Variants in PRF1 observed in about 807,000 individuals in gnomAD.
PRF1 encodes the protein perforin 1.
A neutral mutation model predicts 11.7 loss-of-function variants in PRF1; 11 were observed. The ratio of observed to expected loss-of-function variants is 0.94; its 90% confidence interval spans 0.59 to 1.56. PRF1 has a LOEUF of 1.56. Among genes scored for constraint, PRF1 ranks in the 40% most tolerant of loss-of-function variants. The pLI, the probability that PRF1 is intolerant of heterozygous loss-of-function variation, is 0.00. For missense variants in PRF1, 729 were observed against 751.0 expected (o/e 0.97, Z 0.34); for synonymous variants, 314 against 327.8 (o/e 0.96, Z 0.45).
At position 70,597,664 on chromosome 10, in the gene PRF1, G is replaced by A. The variant is rs1848143310; in HGVS notation, c.*389C>T. ...GAATGGCGGAGGGCTTAGGCAGTTTGGACAGGGTGAATCGGGATTAGCGTG... is the reference window on the plus strand; with the variant it reads ...GAATGGCGGAGGGCTTAGGCAGTTTAGACAGGGTGAATCGGGATTAGCGTG... On this transcript the variant is annotated 3_prime_UTR_variant, in exon 3 of 3. Transcript: ENST00000441259. 1.7e-6 allele frequency: 1 copy of A among 584,404 alleles called. No homozygotes were observed. Among genetic ancestry groups the A allele is most frequent in the African/African-American group, 1.9e-5 (1 of 53,600 alleles). The allele number at this position is 584,404 out of a possible 1,614,324, so 36.2% of individuals were successfully genotyped here.
chr10:70,597,935 C>G lies in PRF1; in HGVS notation c.*118G>C. ...GGCCGCATTCAAAGCCATCCTGGGC[C>G]GCATGCGGGCCTCGGGTTGGACAAG... On this transcript the variant is annotated 3_prime_UTR_variant, in exon 3 of 3. Coordinates refer to ENST00000441259, the MANE Select transcript of PRF1 (RefSeq NM_001083116.3). The G allele has an allele frequency of 7.5e-7, 1 of 1,333,958 alleles. No homozygotes were observed. The highest frequency in any genetic ancestry group is 1.2e-5 in the South Asian group (1 of 81,384). 82.6% of individuals were successfully genotyped at this position (1,333,958 alleles called of 1,614,324 possible). A position where few individuals can be genotyped will look rare whatever the true frequency, so the allele number is the denominator to read the frequency against.
chr10:70,599,293 G>A (rs1459486741), intron 2 of PRF1, 112 bp from the exon 3 acceptor site: 77 of 1,365,992 alleles, frequency 5.6e-5, no homozygotes, highest in Non-Finnish European at 7.5e-5. Flanking sequence ...AACTAGGACT[G>A]GAACCCAGGG....
intron 1 of PRF1, among the ~76,000 whole-genome samples, chr10:70,601,732 G>A (rs1171448810): frequency 6.6e-6 from 1 of 150,960 alleles, no homozygotes; most frequent in African/African-American, 2.4e-5. Context: ...GGGAGGCTGA[G>A]ACAGGAGAAT....
rs755876007 is a variant in PRF1, at chr10:70,598,027, A to T, written c.*26T>A. The T allele has an allele frequency of 1.2e-6, 2 of 1,610,246 alleles. No homozygotes were observed. Among genetic ancestry groups the T allele is most frequent in the Non-Finnish European group, 8.5e-7 (1 of 1,179,900 alleles). ...GTGAGAACCCCTTCAGTCCAAGCATACTGGTCCTTTCCAAGCTCACTGTTC... is the reference window on the plus strand; with the variant it reads ...GTGAGAACCCCTTCAGTCCAAGCATTCTGGTCCTTTCCAAGCTCACTGTTC... On this transcript the variant is annotated 3_prime_UTR_variant, in exon 3 of 3. Coordinates refer to ENST00000441259, the MANE Select transcript of PRF1 (RefSeq NM_001083116.3).
rs1161980496 is a variant in PRF1, at chr10:70,600,482, T to C, written c.421A>G (p.Ser141Gly). ...VGLDVTPKPT[S>G]NVHVSVAGSH... ...CCGGCCACAGACACATGCACATTGC[T>C]GGTGGGCTTAGGAGTCACGTCCAGC... is the stretch of plus-strand genomic sequence containing the variant. Residue 141 changes from serine (S) to glycine (G), a missense_variant, in exon 2 of 3, where the codon AGC becomes GGC. Coordinates refer to ENST00000441259, the MANE Select transcript of PRF1 (RefSeq NM_001083116.3). The surrounding 1 kb of genome is among the most constrained non-coding windows in gnomAD (Gnocchi z 4.9). The C allele has an allele frequency of 1.9e-6, 3 of 1,614,080 alleles. No individual in the cohort carries two copies. The African/African-American group carries it at 4.0e-5, about 22-fold the overall frequency.
chr10:70,601,772 T>C (rs1258768284), intron 1 of PRF1, among the ~76,000 whole-genome samples: 1 of 127,964 alleles, frequency 7.8e-6, no homozygotes, highest in Non-Finnish European at 1.6e-5. Flanking sequence ...GAGGTTGCAG[T>C]GAGCCAAGAT....
chr10:70,600,417 G>A lies in PRF1; in HGVS notation c.486C>T (p.Thr162=). 2 of 1,614,180 alleles carry A rather than the reference G, an allele frequency of 1.2e-6. No homozygotes were observed. Among genetic ancestry groups the A allele is most frequent in the Non-Finnish European group, 1.7e-6 (2 of 1,180,028 alleles). ...TGCTGAAGCTGTACTGGTCCTGGTG[G>A]GTCTTCTGGGCTGCAAAGTTGGCTG... ...SQAANFAAQK[T]HQDQYSFSTD... is the part of the protein sequence containing the mutation. Residue 162 remains threonine, a synonymous_variant, in exon 2 of 3, where the codon ACC becomes ACT. Coordinates refer to ENST00000441259, the MANE Select transcript of PRF1 (RefSeq NM_001083116.3). The surrounding 1 kb of genome is among the most constrained non-coding windows in gnomAD (Gnocchi z 4.9).
intron 2 of PRF1, 34 bp from the exon 3 acceptor site, chr10:70,599,215 G>A: frequency 6.2e-7 from 1 of 1,612,458 alleles, no homozygotes; most frequent in Non-Finnish European, 8.5e-7. Flanking sequence ...CTGGGCCCAG[G>A]GGAGTATTTC....
At position 70,598,110 on chromosome 10, in the gene PRF1, A is replaced by G. The variant is rs1589231640; in HGVS notation, c.1611T>C (p.Tyr537=). 2 of 1,613,996 alleles carry G rather than the reference A, an allele frequency of 1.2e-6. No individual in the cohort carries two copies. The highest frequency in any genetic ancestry group is 2.2e-5 in the East Asian group (1 of 44,874). The change falls in exon 3 of 3, where the codon TAT becomes TAC. Residue 537 remains tyrosine, a synonymous_variant. Coordinates refer to ENST00000441259, the MANE Select transcript of PRF1 (RefSeq NM_001083116.3). ...PHLGGGTCLD[Y]VPQMLLGEPP... ...GCTCCCCCAGAAGCATTTGGGGGAC[A>G]TAGTCCAGGCAGGTGCCTCCTCCCA...
At chr10:70,601,923 C>A (rs1370789507) in intron 1 of PRF1, among the ~76,000 whole-genome samples, 3 of 151,876 alleles carry the variant, frequency 2.0e-5, no homozygotes, top group African/African-American at 4.8e-5. Context: ...TTTCTTGCTG[C>A]CCCTCCCCTC....
In PRF1 at chr10:70,598,222, G is replaced by T. The variant is rs375473178; in HGVS notation, c.1499C>A (p.Ala500Asp). Residue 500 changes from alanine (A) to aspartate (D), a missense_variant, in exon 3 of 3, where the codon GCT (alanine) becomes GAT (aspartate). Coordinates refer to ENST00000441259, the MANE Select transcript of PRF1 (RefSeq NM_001083116.3). ...CACCTCATGGGAACCAGACTTGGGAGCCTGATCACAGGTGCCAAGGAGGTC... is the reference window on the plus strand; with the variant it reads ...CACCTCATGGGAACCAGACTTGGGATCCTGATCACAGGTGCCAAGGAGGTC... ...DDDLLGTCDQ[A>D]PKSGSHEVRC... 3.1e-6 allele frequency: 5 copies of T among 1,614,218 alleles called. No individual in the cohort carries two copies. Among genetic ancestry groups the T allele is most frequent in the Non-Finnish European group, 4.2e-6 (5 of 1,180,032 alleles).
chr10:70,597,752 T>G lies in PRF1; in HGVS notation c.*301A>C. On this transcript the variant is annotated 3_prime_UTR_variant, in exon 3 of 3. Transcript: ENST00000441259. ...CCCTTTTCCATCTGTCTGATGCGTA[T>G]CCAATCTTTTGGCTTCTCTGGGCCA... 1 of 602,244 alleles carries G rather than the reference T, an allele frequency of 1.7e-6. No individual in the cohort carries two copies. The highest frequency in any genetic ancestry group is 2.9e-6 in the Non-Finnish European group (1 of 340,376). 37.3% of individuals were successfully genotyped at this position (602,244 alleles called of 1,614,324 possible).
Position 70,598,218 on chromosome 10 carries a change from G to A in PRF1, c.1503C>T (p.Pro501=), listed in dbSNP as rs1391054762. The change falls in exon 3 of 3, where the codon CCC becomes CCT. Residue 501 remains proline, a synonymous_variant. Transcript: ENST00000441259. Reference sequence around the variant, plus strand: ...ATCTCACCTCATGGGAACCAGACTTGGGAGCCTGATCACAGGTGCCAAGGA... The same window carrying A: ...ATCTCACCTCATGGGAACCAGACTTAGGAGCCTGATCACAGGTGCCAAGGA... The part of the protein sequence containing the change: ...DDLLGTCDQA[P]KSGSHEVRCN... 1.2e-6 allele frequency: 2 copies of A among 1,614,066 alleles called. No individual in the cohort carries two copies. The highest frequency in any genetic ancestry group is 2.2e-5 in the East Asian group (1 of 44,884).
chr10:70,598,976 G>A lies in PRF1; in HGVS notation c.745C>T (p.Leu249Phe). 6.2e-7 allele frequency: 1 copy of A among 1,614,248 alleles called. No individual in the cohort carries two copies. Among genetic ancestry groups the A allele is most frequent in the Middle Eastern group, 1.6e-4 (1 of 6,062 alleles). The change falls in exon 3 of 3, where the codon CTC becomes TTC. Residue 249 changes from leucine to phenylalanine, a missense_variant. Physicochemically the swap from Leu to Phe is conservative, Grantham distance 22. Transcript: ENST00000441259. ...CAGTCCTCCACCTCGTTGTCCGTGA[G>A]CCCTTCCAGGGCCAGCTCGCAGGTG... ...LRTCELALEG[L>F]TDNEVEDCLT...
chr10:70,599,225 C>T (rs761693017), intron 2 of PRF1, 44 bp from the exon 3 acceptor site: 3 of 1,608,228 alleles, frequency 1.9e-6, no homozygotes, highest in Non-Finnish European at 1.7e-6. Context: ...GGGAGTATTT[C>T]CCCCATTCAA....
Position 70,598,311 on chromosome 10 carries a change from C to G in PRF1, c.1410G>C (p.Val470=). 1 of 1,614,214 alleles carries G rather than the reference C, an allele frequency of 6.2e-7. No individual in the cohort carries two copies. Among genetic ancestry groups the G allele is most frequent in the South Asian group, 1.1e-5 (1 of 91,086 alleles). ...IWSVRLDFGD[V]LLATGGPLRL... ...TCAGGGGCCCCCCTGTGGCCAGGAG[C>G]ACATCCCCAAAATCCAGCCGCACTG... The change falls in exon 3 of 3, where the codon GTG becomes GTC. Residue 470 remains valine (V), a synonymous_variant. Coordinates refer to ENST00000441259, the MANE Select transcript of PRF1 (RefSeq NM_001083116.3).
rs763002067 is a variant in PRF1, at chr10:70,598,805, C to A, written c.916G>T (p.Gly306Cys). The change falls in exon 3 of 3, where the codon GGC (glycine) becomes TGC (cysteine). Residue 306 changes from glycine (G) to cysteine (C), a missense_variant. By Grantham distance (159) the Gly-to-Cys change is radical. Coordinates refer to ENST00000441259, the MANE Select transcript of PRF1 (RefSeq NM_001083116.3). Reference protein sequence around the residue: ...YRERHSEVVGGHHTSINDLLF... With the variant: ...YRERHSEVVGCHHTSINDLLF... ...AGGTCGTTAATGGAGGTGTGATGGC[C>A]GCCAACCACTTCCGAGTGGCGCTCC... is the stretch of plus-strand genomic sequence containing the variant. 1 of 1,614,216 alleles carries A rather than the reference C, an allele frequency of 6.2e-7. No homozygotes were observed. Among genetic ancestry groups the A allele is most frequent in the Non-Finnish European group, 8.5e-7 (1 of 1,180,036 alleles).
At chr10:70,601,698 G>A (rs549064865) in intron 1 of PRF1, among the ~76,000 whole-genome samples, 94 of 151,790 alleles carry the variant, frequency 6.2e-4, no homozygotes, top group African/African-American at 2.1e-3. Context: ...GCATGGTGGC[G>A]GGTGCCTGTA....
In PRF1 at chr10:70,598,648, TCCCGCCGCG is replaced by T; in HGVS notation, c.1064_1072del (p.Pro355_Glu358delinsGln). On this transcript the variant is annotated inframe_deletion, in exon 3 of 3. Transcript: ENST00000441259. ...CTGACTCAGGGCCCTCCTCAGTGCC[TCCCGCCGCG>T]GGTCCTGGCTGTCCAGCAGCACGTG... 1 of 1,613,338 alleles carries T rather than the reference TCCCGCCGCG, an allele frequency of 6.2e-7. No individual in the cohort carries two copies. Among genetic ancestry groups the T allele is most frequent in the Non-Finnish European group, 8.5e-7 (1 of 1,179,916 alleles).
Sources: allele counts gnomAD v4.1 joint callset (sites outside exome capture counted in the v4.1 genomes callset), GRCh38; gene constraint gnomAD v4.1.1; non-coding constraint Gnocchi (gnomAD v3.1); transcripts MANE v1.5; gene names NCBI Gene and HGNC (gene_info 2026-07-23, HGNC 2026-07-21).